Variants in MYO1D observed in about 807,000 individuals in gnomAD.
MYO1D encodes myosin ID.
Under a neutral mutation model 122.0 loss-of-function variants are expected in MYO1D, and 83 were observed. The ratio of observed to expected loss-of-function variants is 0.68; its 90% CI spans 0.57 to 0.82. The LOEUF is 0.82. Ranked by LOEUF, MYO1D falls within the 40% of genes least tolerant of loss-of-function variation. MYO1D has a pLI of 0.00. For synonymous variants in MYO1D, 464 were observed against 446.9 expected (o/e 1.04, Z -0.48); for missense variants, 1,157 against 1,269.5 (o/e 0.91, Z 1.35).
chr17:32,547,512 A>C (rs2086974470), intron 21 of MYO1D, among the ~76,000 whole-genome samples: 1 of 152,264 alleles, frequency 6.6e-6, no homozygotes, highest in Non-Finnish European at 1.5e-5. Context: ...ATAGGCATAA[A>C]GGTGACTTCT....
intron 21 of MYO1D, among the ~76,000 whole-genome samples, chr17:32,521,819 C>G (rs1910148185): frequency 6.6e-6 from 1 of 152,172 alleles, no homozygotes; most frequent in Non-Finnish European, 1.5e-5. Context: ...CGCGGTGGCT[C>G]ACGCCTGTAA....
chr17:32,629,187 G>A (rs2087969039), intron 20 of MYO1D, among the ~76,000 whole-genome samples: 1 of 152,194 alleles, frequency 6.6e-6, no homozygotes, highest in Non-Finnish European at 1.5e-5. Context: ...TGTAGAGACA[G>A]TAAAATGATA....
chr17:32,779,532 T>G (rs2090214593), intron 2 of MYO1D, among the ~76,000 whole-genome samples: 1 of 151,666 alleles, frequency 6.6e-6, no homozygotes, highest in East Asian at 1.9e-4. Flanking sequence ...TGTATTTGTT[T>G]GCACATCCAG....
At chr17:32,691,666 C>A (rs2089103021) in intron 16 of MYO1D, among the ~76,000 whole-genome samples, 1 of 152,072 alleles carries the variant, frequency 6.6e-6, no homozygotes, top group Non-Finnish European at 1.5e-5. Flanking sequence ...CTTGGTCTCC[C>A]AAAGTCTGGG....
At chr17:32,804,951 C>CT (rs2090497555) in intron 1 of MYO1D, among the ~76,000 whole-genome samples, 2 of 152,088 alleles carry the variant, frequency 1.3e-5, no homozygotes, top group South Asian at 4.1e-4. Context: ...ACAGTCTGAC[C>CT]ATGTTACAAA....
intron 16 of MYO1D, among the ~76,000 whole-genome samples, chr17:32,681,353 AT>A (rs1421882799): frequency 7.3e-6 from 1 of 137,880 alleles, no homozygotes; most frequent in Non-Finnish European, 1.6e-5. Flanking sequence ...TAGGGTGTCA[AT>A]TTTGGATCTT....
At chr17:32,543,370 A>C (rs1910906115) in intron 21 of MYO1D, among the ~76,000 whole-genome samples, 1 of 151,132 alleles carries the variant, frequency 6.6e-6, no homozygotes, top group Non-Finnish European at 1.5e-5. Flanking sequence ...AGGTTAGGAG[A>C]TCGAGACCAT....
intron 10 of MYO1D, among the ~76,000 whole-genome samples, chr17:32,758,839 C>G (rs1329086484): frequency 2.0e-5 from 3 of 152,158 alleles, no homozygotes; most frequent in African/African-American, 7.2e-5. Context: ...TCTGCTCCCT[C>G]TAGGACAAAT....
chr17:32,790,134 C>T (rs2090334941), intron 1 of MYO1D, among the ~76,000 whole-genome samples: 1 of 152,202 alleles, frequency 6.6e-6, no homozygotes. Context: ...GGTATCTTCA[C>T]TGTCACAGGT....
At chr17:32,532,031 G>A (rs1433553744) in intron 21 of MYO1D, among the ~76,000 whole-genome samples, 7 of 152,210 alleles carry the variant, frequency 4.6e-5, no homozygotes, top group Non-Finnish European at 1.0e-4. Context: ...CTGTTGGGAA[G>A]TGGCAGCTAA....
intron 21 of MYO1D, among the ~76,000 whole-genome samples, chr17:32,597,741 G>A (rs1346467119): frequency 6.6e-6 from 1 of 151,750 alleles, no homozygotes; most frequent in Non-Finnish European, 1.5e-5. Context: ...GTTGGCAGGT[G>A]CCTGTAATCC....
chr17:32,818,401 A>G (rs1164387110), intron 1 of MYO1D, among the ~76,000 whole-genome samples: 1 of 152,158 alleles, frequency 6.6e-6, no homozygotes, highest in Non-Finnish European at 1.5e-5. Context: ...ATCCAATAGT[A>G]GCTCCAGCCC....
intron 1 of MYO1D, among the ~76,000 whole-genome samples, chr17:32,807,216 T>G (rs569980747): frequency 6.6e-6 from 1 of 152,286 alleles, no homozygotes; most frequent in Non-Finnish European, 1.5e-5. Context: ...TATACTATAG[T>G]GTTTAAAGCA....
rs8066363 is a variant in MYO1D at position 32,563,024 on chromosome 17, G to T, written c.2864+42063C>A. Among the ~76,000 whole-genome samples the T allele has an allele frequency of 2.6e-5, 4 of 151,810 alleles. No individual in the cohort carries two copies. In the South Asian group the frequency reaches 8.3e-4, roughly 32 times the overall value. ...CAATGCAGAACCTTACTGCATTCTC[G>T]TGAATGTAGACTATTATCAAAATAA... On this transcript the variant is annotated intron_variant, in intron 21 of 21. Transcript: ENST00000318217.
Position 32,712,055 on chromosome 17 carries a change from C to T in MYO1D, c.2054G>A (p.Arg685Gln), listed in dbSNP as rs375964215. The T allele has an allele frequency of 3.4e-5, 55 of 1,613,918 alleles. No homozygotes were observed. In the East Asian group the frequency reaches 5.1e-4, roughly 15 times the overall value. ...GAGTTCTTCCAAGGTAAACAATGTTCGGGGTGTTCGAATGAAAATTTTGGT... is the reference window on the plus strand; with the variant it reads ...GAGTTCTTCCAAGGTAAACAATGTTTGGGGTGTTCGAATGAAAATTTTGGT... ...GKTKIFIRTP[R>Q]TLFTLEELRA... The change falls in exon 16 of 22, where the codon CGA becomes CAA. Residue 685 changes from arginine to glutamine, a missense_variant. Physicochemically the swap from Arg to Gln is conservative, Grantham distance 43. Transcript: ENST00000318217.
chr17:32,710,136 GA>G (rs1434442432), intron 16 of MYO1D, among the ~76,000 whole-genome samples: 1 of 152,042 alleles, frequency 6.6e-6, no homozygotes, highest in Non-Finnish European at 1.5e-5. Context: ...CCTTAATAAA[GA>G]AGTAGAAAAG....
chr17:32,545,659 A>G (rs941678868), intron 21 of MYO1D, among the ~76,000 whole-genome samples: 1 of 152,184 alleles, frequency 6.6e-6, no homozygotes, highest in Non-Finnish European at 1.5e-5. Context: ...ATAGTAAAGC[A>G]TGAAAGGTCA....
intron 21 of MYO1D, among the ~76,000 whole-genome samples, chr17:32,576,161 TCTA>T (rs1367050507): frequency 1.3e-5 from 2 of 152,186 alleles, no homozygotes; most frequent in Admixed American, 6.5e-5. Context: ...TGTCAAAATA[TCTA>T]CTATCCCAAA....
At chr17:32,569,796 G>A (rs893047613) in intron 21 of MYO1D, among the ~76,000 whole-genome samples, 7 of 152,112 alleles carry the variant, frequency 4.6e-5, no homozygotes, top group African/African-American at 9.7e-5. Flanking sequence ...TCTTTAGCAC[G>A]TATAACTTGA....
Sources: allele counts gnomAD v4.1 joint callset (sites outside exome capture counted in the v4.1 genomes callset), GRCh38; gene constraint gnomAD v4.1.1; transcripts MANE v1.5; gene names NCBI Gene and HGNC (gene_info 2026-07-23, HGNC 2026-07-21).